Variants in TBX20 observed in about 807,000 individuals in gnomAD.
TBX20 encodes the protein T-box transcription factor TBX20.
In TBX20, 8 loss-of-function variants were observed where a neutral mutation model predicts 42.9. The observed-to-expected ratio is 0.19, with a 90% CI of 0.11 to 0.34. The LOEUF is 0.34. Ranked by LOEUF, TBX20 falls within the 10% of genes least tolerant of loss-of-function variation. The pLI is 1.00. For missense variants in TBX20, 411 were observed against 566.0 expected, an observed-to-expected ratio of 0.73 and a Z score of 2.78; for synonymous variants, 198 against 222.8, an observed-to-expected ratio of 0.89 and a Z score of 0.99.
chr7:35,250,561 T>A (rs1176515955), intron 1 of TBX20, among the ~76,000 whole-genome samples: 1 of 152,216 alleles, frequency 6.6e-6, no homozygotes, highest in East Asian at 1.9e-4. Flanking sequence ...AATTCTAGAC[T>A]TCGTAGCTCA....
chr7:35,239,396 C>T (rs1301618557), intron 5 of TBX20, among the ~76,000 whole-genome samples: 1 of 152,208 alleles, frequency 6.6e-6, no homozygotes, highest in East Asian at 1.9e-4. Context: ...ATAGTCTTGG[C>T]TACCTATGAC....
chr7:35,203,252 C>A (rs926367689), intron 7 of TBX20, among the ~76,000 whole-genome samples: 1 of 152,162 alleles, frequency 6.6e-6, no homozygotes, highest in Non-Finnish European at 1.5e-5. Flanking sequence ...AATGAATTTT[C>A]TGACTGTATA....
intron 3 of TBX20, among the ~76,000 whole-genome samples, chr7:35,245,908 G>A (rs1308399904): frequency 6.6e-6 from 1 of 152,194 alleles, no homozygotes; most frequent in Admixed American, 6.5e-5. Context: ...AAGTCAGAGA[G>A]AGACTACAGA....
intron 3 of TBX20, among the ~76,000 whole-genome samples, chr7:35,246,086 C>T (rs1790177942): frequency 6.6e-6 from 1 of 152,136 alleles, no homozygotes; most frequent in Non-Finnish European, 1.5e-5. Flanking sequence ...ATTTTTCTTG[C>T]ATTATTCATG....
At chr7:35,248,958 A>C in intron 2 of TBX20, 117 bp from the exon 3 acceptor site, 5 of 1,208,312 alleles carry the variant, frequency 4.1e-6, no homozygotes, top group Non-Finnish European at 3.6e-6. Flanking sequence ...TCCCCTCTCT[A>C]TCCGGTCCAC....
chr7:35,241,243 T>C (rs563909345), intron 4 of TBX20, among the ~76,000 whole-genome samples: 38 of 152,344 alleles, frequency 2.5e-4, no homozygotes, highest in Admixed American at 5.9e-4. Flanking sequence ...CCAAAACAAC[T>C]GCAAACCACA....
At chr7:35,251,865 C>G (rs1790311768) in intron 1 of TBX20, among the ~76,000 whole-genome samples, 1 of 152,168 alleles carries the variant, frequency 6.6e-6, no homozygotes, top group Non-Finnish European at 1.5e-5. Context: ...CTCTGTTGAA[C>G]TGGCCAGTGT....
intron 5 of TBX20, among the ~76,000 whole-genome samples, chr7:35,239,243 A>C (rs1346237806): frequency 6.6e-6 from 1 of 152,064 alleles, no homozygotes; most frequent in East Asian, 1.9e-4. Context: ...TGTCAGCTTC[A>C]TCTTGCCTTT....
chr7:35,232,479 G>A (rs1789885989), intron 5 of TBX20, among the ~76,000 whole-genome samples: 2 of 152,184 alleles, frequency 1.3e-5, no homozygotes, highest in Non-Finnish European at 2.9e-5. Context: ...AGACCATCTA[G>A]CCCATGGTCT....
chr7:35,208,538 T>C (rs1230218058), intron 6 of TBX20, among the ~76,000 whole-genome samples: 3 of 150,602 alleles, frequency 2.0e-5, no homozygotes, highest in Non-Finnish European at 4.4e-5. Context: ...AGGTCGGGAG[T>C]TCAAGACCAG....
intron 6 of TBX20, among the ~76,000 whole-genome samples, chr7:35,214,760 T>G (rs1487188013): frequency 2.6e-5 from 4 of 152,196 alleles, no homozygotes; most frequent in African/African-American, 9.7e-5. Flanking sequence ...CTGATGTCCT[T>G]TAAGTCTGAA....
chr7:35,235,731 TG>T (rs1789953011), intron 5 of TBX20, among the ~76,000 whole-genome samples: 1 of 152,190 alleles, frequency 6.6e-6, no homozygotes, highest in Non-Finnish European at 1.5e-5. Context: ...TTCACTCTTT[TG>T]GCATCTCTAT....
chr7:35,213,877 C>CAAAAAAAAAAAAAA (rs59548164), intron 6 of TBX20, among the ~76,000 whole-genome samples: 32 of 59,758 alleles, frequency 5.4e-4, no homozygotes, highest in African/African-American at 1.9e-3. Flanking sequence ...GCAGAGATAG[C>CAAAAAAAAAAAAAA]AAAAAAAAAA....
intron 5 of TBX20, among the ~76,000 whole-genome samples, chr7:35,234,998 C>T (rs1018342861): frequency 4.6e-5 from 7 of 152,124 alleles, no homozygotes; most frequent in African/African-American, 1.7e-4. Context: ...AAGAACCCCA[C>T]AAGTATTTGT....
Position 35,240,935 on chromosome 7 carries a change from T to C in TBX20, c.757A>G (p.Thr253Ala). The C allele has an allele frequency of 6.2e-7, 1 of 1,613,898 alleles. No individual in the cohort carries two copies. The highest frequency in any genetic ancestry group is 2.2e-5 in the East Asian group (1 of 44,874). The change falls in exon 5 of 8, where the codon ACT becomes GCT. Residue 253 changes from threonine (T) to alanine (A), a missense_variant. Transcript: ENST00000408931. The stretch of plus-strand genomic sequence containing the variant: ...AAAACTGTTTCTGGAAAGATGAAAG[T>C]TCTAAATTCTTCAGACTTCAGGTTG... ...LLNLKSEEFRTFIFPETVFTA... is the reference protein window; with the variant it reads ...LLNLKSEEFRAFIFPETVFTA...
At chr7:35,209,314 T>C (rs1328871877) in intron 6 of TBX20, among the ~76,000 whole-genome samples, 3 of 152,204 alleles carry the variant, frequency 2.0e-5, no homozygotes, top group African/African-American at 4.8e-5. Flanking sequence ...CATCTGGACC[T>C]AGAGTTTTCT....
chr7:35,203,859 A>T (rs2128709639), intron 7 of TBX20, among the ~76,000 whole-genome samples: 1 of 152,276 alleles, frequency 6.6e-6, no homozygotes, highest in African/African-American at 2.4e-5. Context: ...CCCCATACGA[A>T]CTTTACTGTT....
chr7:35,240,810 C>G (rs1483750493), intron 5 of TBX20, 69 bp downstream of exon 5: 1 of 1,447,008 alleles, frequency 6.9e-7, no homozygotes, highest in Non-Finnish European at 9.7e-7. Flanking sequence ...TCTCTTCTCT[C>G]CAAGAAAATA....
intron 5 of TBX20, among the ~76,000 whole-genome samples, chr7:35,233,331 A>G (rs1789903550): frequency 6.6e-6 from 1 of 152,236 alleles, no homozygotes; most frequent in Non-Finnish European, 1.5e-5. Flanking sequence ...AAAACATTTG[A>G]CAGTGCCTCA....
Sources: allele counts gnomAD v4.1 joint callset (sites outside exome capture counted in the v4.1 genomes callset), GRCh38; gene constraint gnomAD v4.1.1; transcripts MANE v1.5; gene names NCBI Gene and HGNC (gene_info 2026-07-23, HGNC 2026-07-21).